Variants in OTOGL observed in about 807,000 individuals in gnomAD.
OTOGL encodes the protein otogelin like.
Under a neutral mutation model 318.5 loss-of-function variants are expected in OTOGL, and 285 were observed. The ratio of observed to expected loss-of-function variants is 0.89; its 90% CI spans 0.81 to 0.99. The LOEUF is 0.99. Ranked by LOEUF, OTOGL falls within the 50% of genes least tolerant of loss-of-function variation. The probability of loss-of-function intolerance (pLI) is 0.00; values close to 1 mark genes in which losing one functional copy is unlikely to be tolerated. For missense variants in OTOGL, 2,899 were observed against 2,845.6 expected, an observed-to-expected ratio of 1.02 and a Z score of -0.43; for synonymous variants, 987 against 936.5, an observed-to-expected ratio of 1.05 and a Z score of -0.99.
chr12:80,214,262 G>A (rs1017867825), intron 4 of OTOGL, among the ~76,000 whole-genome samples: 1 of 152,370 alleles, frequency 6.6e-6, no homozygotes, highest in East Asian at 1.9e-4. Flanking sequence ...AAAGGAAAAT[G>A]ATGTGAAGAA....
rs1565863158 is a variant in OTOGL at position 80,108,803 on chromosome 12, A to ATATATATG, written c.-20+9205_-20+9206insGTATATAT. ...TATATATATGTATATATATATATGT[A>ATATATATG]TATATATATGTGTATATATATGTAT... On this transcript the variant is annotated intron_variant, in intron 1 of 58. Coordinates refer to ENST00000547103, the MANE Select transcript of OTOGL (RefSeq NM_001378609.3). 2.4e-4 allele frequency among the ~76,000 whole-genome samples: 9 copies of ATATATATG among 37,030 alleles called. 1 individual carries two copies. Among genetic ancestry groups the ATATATATG allele is most frequent in the Admixed American group, 4.6e-4 (2 of 4,336 alleles). 24.3% of individuals were successfully genotyped at this position (37,030 alleles called of 152,430 possible).
In OTOGL at chr12:80,314,291, T is replaced by A; in HGVS notation, c.3608-14T>A. The A allele has an allele frequency of 1.0e-6, 1 of 997,650 alleles. No homozygotes were observed. Among genetic ancestry groups the A allele is most frequent in the Non-Finnish European group, 1.3e-6 (1 of 748,792 alleles). 61.8% of individuals were successfully genotyped at this position (997,650 alleles called of 1,614,324 possible). ...TTCTTACATAGTTTAATATTTATTC[T>A]TTTTTTCTTTTAGCACTTGATTGTG... On this transcript the variant is annotated splice_polypyrimidine_tract_variant and intron_variant, in intron 31 of 58. Transcript: ENST00000547103.
At chr12:80,356,320 G>T in intron 47 of OTOGL, 96 bp from the exon 48 acceptor site, 1 of 905,262 alleles carries the variant, frequency 1.1e-6, no homozygotes, top group South Asian at 1.7e-5. Flanking sequence ...TCCCGTCTTT[G>T]AGTTTCCTGT....
intron 46 of OTOGL, among the ~76,000 whole-genome samples, chr12:80,354,893 A>T (rs1406398212): frequency 6.6e-6 from 1 of 152,184 alleles, no homozygotes; most frequent in Non-Finnish European, 1.5e-5. Flanking sequence ...CTTAAAAGTA[A>T]TAGTCACTAC....
chr12:80,332,923 T>G, intron 37 of OTOGL, 82 bp from the exon 38 acceptor site: 1 of 1,136,162 alleles, frequency 8.8e-7, no homozygotes. Context: ...ACAAAATTTC[T>G]TAGCACAGTT....
intron 30 of OTOGL, 57 bp downstream of exon 30, chr12:80,310,784 T>C: frequency 1.5e-6 from 2 of 1,372,020 alleles, no homozygotes; most frequent in Non-Finnish European, 2.0e-6. Flanking sequence ...GTGTCTATAA[T>C]ACTGAGGTGA....
At chr12:80,279,741 CAATG>C (rs1884080012) in intron 26 of OTOGL, among the ~76,000 whole-genome samples, 1 of 151,692 alleles carries the variant, frequency 6.6e-6, no homozygotes, top group Non-Finnish European at 1.5e-5. Context: ...AGTAGTGCTG[CAATG>C]AATGTATGCA....
chr12:80,289,891 C>T (rs1451806601), intron 26 of OTOGL, among the ~76,000 whole-genome samples: 3 of 152,128 alleles, frequency 2.0e-5, no homozygotes, highest in Admixed American at 6.5e-5. Flanking sequence ...AACCCCCTTT[C>T]CAGAGAAGTG....
chr12:80,108,926 A>ATGTG (rs1565863310), intron 1 of OTOGL, among the ~76,000 whole-genome samples: 7 of 113,362 alleles, frequency 6.2e-5, no homozygotes, highest in African/African-American at 2.7e-4. Context: ...GTGTATATAT[A>ATGTG]TATGTGTGTG....
chr12:80,222,020 ATGAC>A, intron 6 of OTOGL, 67 bp from the exon 7 acceptor site: 1 of 1,451,210 alleles, frequency 6.9e-7, no homozygotes, highest in South Asian at 1.3e-5. Context: ...ATCATTTACC[ATGAC>A]TGACTGAACA....
intron 27 of OTOGL, 81 bp downstream of exon 27, chr12:80,297,042 C>A: frequency 1.6e-6 from 2 of 1,266,950 alleles, no homozygotes; most frequent in South Asian, 1.9e-5. Context: ...TTGGTCTACT[C>A]CTCTCTGTAA....
intron 1 of OTOGL, among the ~76,000 whole-genome samples, chr12:80,181,790 G>A (rs188274691): frequency 2.0e-5 from 3 of 152,272 alleles, no homozygotes; most frequent in Admixed American, 6.5e-5. Context: ...TGTATACAAT[G>A]TAAGTAGGCT....
At chr12:80,140,619 C>T (rs1871871438) in intron 1 of OTOGL, among the ~76,000 whole-genome samples, 1 of 152,194 alleles carries the variant, frequency 6.6e-6, no homozygotes, top group Non-Finnish European at 1.5e-5. Flanking sequence ...GTTACTTCAT[C>T]TCTCTGTGCT....
intron 1 of OTOGL, among the ~76,000 whole-genome samples, chr12:80,159,544 G>C (rs955263521): frequency 2.6e-5 from 4 of 151,904 alleles, no homozygotes; most frequent in Admixed American, 6.6e-5. Context: ...ACCTAACCAA[G>C]GAGGTGAAAG....
At chr12:80,319,681 G>T (rs938552685) in intron 33 of OTOGL, among the ~76,000 whole-genome samples, 1 of 152,054 alleles carries the variant, frequency 6.6e-6, no homozygotes, top group East Asian at 1.9e-4. Flanking sequence ...AATAACTAAT[G>T]ATTTTACTAG....
At chr12:80,308,548 C>T (rs1025473060) in intron 29 of OTOGL, among the ~76,000 whole-genome samples, 2 of 152,242 alleles carry the variant, frequency 1.3e-5, no homozygotes, top group South Asian at 2.1e-4. Context: ...AGACGCTCCT[C>T]ACTTCCCAGA....
At chr12:80,178,161 A>G (rs901987412) in intron 1 of OTOGL, among the ~76,000 whole-genome samples, 1 of 146,178 alleles carries the variant, frequency 6.8e-6, no homozygotes, top group African/African-American at 2.5e-5. Context: ...CCTGGGTTCA[A>G]GTGATTCTCC....
intron 44 of OTOGL, among the ~76,000 whole-genome samples, chr12:80,342,653 A>G (rs1216287272): frequency 1.3e-5 from 2 of 152,208 alleles, no homozygotes; most frequent in Non-Finnish European, 2.9e-5. Flanking sequence ...ATTATTAAAG[A>G]CAAATGACAA....
intron 4 of OTOGL, among the ~76,000 whole-genome samples, chr12:80,213,818 T>G (rs953798867): frequency 6.6e-6 from 1 of 152,220 alleles, no homozygotes; most frequent in Non-Finnish European, 1.5e-5. Context: ...GAGGTCATAA[T>G]CTTGCACTGA....
Sources: allele counts gnomAD v4.1 joint callset (sites outside exome capture counted in the v4.1 genomes callset), GRCh38; gene constraint gnomAD v4.1.1; transcripts MANE v1.5; gene names NCBI Gene and HGNC (gene_info 2026-07-23, HGNC 2026-07-21).